TRAPPC12: variants seen among roughly 807,000 people sequenced by gnomAD.
TRAPPC12 encodes trafficking protein particle complex subunit 12.
In TRAPPC12, 61 loss-of-function variants were observed where a neutral mutation model predicts 69.2. The observed-to-expected ratio is 0.88, with a 90% CI of 0.72 to 1.09. The LOEUF (loss-of-function observed/expected upper bound fraction) is 1.09, where lower values mean the gene tolerates loss of function less well. Among genes scored for constraint, TRAPPC12 ranks in the 50% least tolerant of loss-of-function variants. The pLI, the probability that TRAPPC12 is intolerant of heterozygous loss-of-function variation, is 0.00. For synonymous variants in TRAPPC12, 469 were observed against 438.9 expected, an observed-to-expected ratio of 1.07 and a Z score of -0.86; for missense variants, 1,101 against 1,016.4, an observed-to-expected ratio of 1.08 and a Z score of -1.13.
chr2:3,424,474 G>C, intron 4 of TRAPPC12, 51 bp from the exon 5 acceptor site: 1 of 1,559,946 alleles, frequency 6.4e-7, no homozygotes, highest in South Asian at 1.2e-5. Flanking sequence ...AGCAAATTCT[G>C]AACTGGATAT....
At chr2:3,397,172 C>T (rs1661184130) in intron 2 of TRAPPC12, among the ~76,000 whole-genome samples, 4 of 152,158 alleles carry the variant, frequency 2.6e-5, no homozygotes. Context: ...GCTTTTTCAT[C>T]TTCCTTTGAA....
At chr2:3,421,258 G>A (rs968434625) in intron 3 of TRAPPC12, among the ~76,000 whole-genome samples, 5 of 152,182 alleles carry the variant, frequency 3.3e-5, no homozygotes, top group Non-Finnish European at 5.9e-5. Context: ...GAGTCTGTAC[G>A]AATCAGCCAG....
intron 2 of TRAPPC12, 159 bp downstream of exon 2, chr2:3,388,829 A>G (rs1660660854): frequency 4.2e-6 from 3 of 722,478 alleles, no homozygotes; most frequent in Non-Finnish European, 6.4e-6. Context: ...CTGGGTAATT[A>G]GGGATCTGTT....
chr2:3,479,192 C>A, intron 11 of TRAPPC12, 27 bp from the exon 12 acceptor site: 1 of 1,604,192 alleles, frequency 6.2e-7, no homozygotes, highest in East Asian at 2.2e-5. Context: ...TTGTGTGGGC[C>A]AACCCTGGGC....
chr2:3,432,894 CA>C (rs1357088798), intron 5 of TRAPPC12, among the ~76,000 whole-genome samples: 1 of 152,246 alleles, frequency 6.6e-6, no homozygotes, highest in Non-Finnish European at 1.5e-5. Context: ...ACGTGGATTG[CA>C]CATGACTGTG....
chr2:3,435,303 C>T (rs1176931138), intron 5 of TRAPPC12, among the ~76,000 whole-genome samples: 1 of 152,196 alleles, frequency 6.6e-6, no homozygotes, highest in South Asian at 2.1e-4. Context: ...CGTGAGCCAC[C>T]GCGCCCAGCT....
At chr2:3,475,773 A>C (rs1204980957) in intron 9 of TRAPPC12, among the ~76,000 whole-genome samples, 1 of 152,208 alleles carries the variant, frequency 6.6e-6, no homozygotes, top group Non-Finnish European at 1.5e-5. Flanking sequence ...GTGTGACCTC[A>C]GAAAATTGTC....
intron 1 of TRAPPC12, among the ~76,000 whole-genome samples, chr2:3,380,095 A>G (rs1660135516): frequency 6.6e-6 from 1 of 152,116 alleles, no homozygotes; most frequent in South Asian, 2.1e-4. Flanking sequence ...CTTGCTCTCC[A>G]CGTCTGCAGA....
chr2:3,429,539 C>T (rs945491191), intron 5 of TRAPPC12, among the ~76,000 whole-genome samples: 10 of 152,178 alleles, frequency 6.6e-5, no homozygotes, highest in African/African-American at 2.2e-4. Context: ...AGTTCCCTAT[C>T]CGTGAATTCT....
At chr2:3,400,060 T>C (rs1452781300) in intron 2 of TRAPPC12, among the ~76,000 whole-genome samples, 2 of 152,208 alleles carry the variant, frequency 1.3e-5, no homozygotes, top group Non-Finnish European at 2.9e-5. Context: ...GAGTCTTTCT[T>C]CTGCTCACCC....
Position 3,423,586 on chromosome 2 carries a change from G to A in TRAPPC12, c.1279-939G>A, listed in dbSNP as rs77798439. Among the ~76,000 whole-genome samples the A allele has an allele frequency of 0.017, 2,612 of 151,798 alleles. 109 individuals are homozygous for A. In the East Asian group the frequency reaches 0.17, roughly 10 times the overall value. ...TTTTCAGATTCCATGTGTAAGTGAG[G>A]TCACACGGTGTTTGTCTTTCTGTGC... On this transcript the variant is annotated intron_variant, in intron 4 of 11. Transcript: ENST00000324266.
chr2:3,452,994 A>G (rs1234267463), intron 6 of TRAPPC12, among the ~76,000 whole-genome samples: 1 of 152,228 alleles, frequency 6.6e-6, no homozygotes, highest in Non-Finnish European at 1.5e-5. Context: ...AGGAAATAGG[A>G]ATTCAGAAAA....
intron 9 of TRAPPC12, chr2:3,466,358 G>A: frequency 2.1e-6 from 1 of 471,232 alleles, no homozygotes. Context: ...TGAGCGGGGA[G>A]AAGCAGCACA....
chr2:3,477,327 G>A (rs4264589), intron 9 of TRAPPC12, among the ~76,000 whole-genome samples: 4 of 152,224 alleles, frequency 2.6e-5, no homozygotes, highest in Admixed American at 6.5e-5. Flanking sequence ...ATAAGTTGAC[G>A]TAGGACCTGC....
intron 3 of TRAPPC12, among the ~76,000 whole-genome samples, chr2:3,409,867 T>C (rs1294460977): frequency 1.3e-5 from 2 of 151,390 alleles, no homozygotes; most frequent in Admixed American, 1.3e-4. Context: ...GAAGGGGCTC[T>C]CTCAGTCACG....
At chr2:3,473,224 C>G (rs993138400) in intron 9 of TRAPPC12, among the ~76,000 whole-genome samples, 3 of 152,148 alleles carry the variant, frequency 2.0e-5, no homozygotes, top group Non-Finnish European at 2.9e-5. Flanking sequence ...CTGGGGCCGG[C>G]TCTGCTGTGC....
intron 3 of TRAPPC12, among the ~76,000 whole-genome samples, chr2:3,402,135 C>T (rs932569792): frequency 6.6e-6 from 1 of 152,136 alleles, no homozygotes; most frequent in African/African-American, 2.4e-5. Context: ...CAAAGCAGTG[C>T]ATACTTTGAT....
chr2:3,458,046 GC>G lies in TRAPPC12; in HGVS notation c.1603+355del, dbSNP rs1665266567. On this transcript the variant is annotated intron_variant, in intron 7 of 11. Transcript: ENST00000324266. ...AGGGGCCTCTGCGTCGGGGAGAGAGGCCTCTGCGTCGGGGACAGAGGCCTCT... is the reference window on the plus strand; with the variant it reads ...AGGGGCCTCTGCGTCGGGGAGAGAGGCTCTGCGTCGGGGACAGAGGCCTCT... 3 of 365,464 alleles carry G rather than the reference GC, an allele frequency of 8.2e-6. No individual in the cohort carries two copies. In the South Asian group the frequency reaches 4.4e-4, roughly 54 times the overall value. 22.6% of individuals were successfully genotyped at this position (365,464 alleles called of 1,614,324 possible). A position where few individuals can be genotyped will look rare whatever the true frequency, so the allele number is the denominator to read the frequency against.
intron 3 of TRAPPC12, among the ~76,000 whole-genome samples, chr2:3,409,926 G>A (rs1225391580): frequency 3.3e-5 from 5 of 152,200 alleles, no homozygotes; most frequent in Admixed American, 1.3e-4. Flanking sequence ...GTGTGAGGCT[G>A]GGTCTGGGCC....
Sources: allele counts gnomAD v4.1 joint callset (sites outside exome capture counted in the v4.1 genomes callset), GRCh38; gene constraint gnomAD v4.1.1; transcripts MANE v1.5; gene names NCBI Gene and HGNC (gene_info 2026-07-23, HGNC 2026-07-21).